The following CPEB1 variants were observed in gnomAD, a reference collection of about 807,000 sequenced individuals.
CPEB1 encodes cytoplasmic polyadenylation element-binding protein 1.
CPEB1 carries 7 observed loss-of-function variants against 65.8 expected under a neutral mutation model. The observed-to-expected ratio is 0.11, with a 90% CI of 0.06 to 0.20. The LOEUF is 0.20. CPEB1 is among the 10% of genes least tolerant of loss of function. The pLI, the probability that CPEB1 is intolerant of heterozygous loss-of-function variation, is 1.00. For missense variants in CPEB1, 551 were observed against 712.2 expected, an observed-to-expected ratio of 0.77 and a Z score of 2.58; for synonymous variants, 262 against 260.0, an observed-to-expected ratio of 1.01 and a Z score of -0.08.
intron 11 of CPEB1, 65 bp from the exon 12 acceptor site, chr15:82,546,586 A>C (rs1396290849): frequency 1.7e-6 from 2 of 1,185,898 alleles, no homozygotes; most frequent in Admixed American, 1.7e-5. Context: ...TAGGCGATAG[A>C]AGAAGGGCAC....
intron 3 of CPEB1, among the ~76,000 whole-genome samples, chr15:82,608,166 A>C (rs1471526498): frequency 6.6e-6 from 1 of 152,254 alleles, no homozygotes; most frequent in African/African-American, 2.4e-5. Context: ...ATAAAGCCTC[A>C]TATTTCATTC....
intron 3 of CPEB1, among the ~76,000 whole-genome samples, chr15:82,586,739 CACAT>C (rs375267411): frequency 7.5e-4 from 114 of 152,318 alleles, no homozygotes; most frequent in African/African-American, 2.7e-3. Context: ...TTTAGATTCA[CACAT>C]ACAGTGCACA....
chr15:82,564,288 T>C (rs898046084), intron 4 of CPEB1, among the ~76,000 whole-genome samples: 2 of 145,782 alleles, frequency 1.4e-5, no homozygotes, highest in East Asian at 2.2e-4. Flanking sequence ...TTTGTTTTTT[T>C]GTTTTGTTTT....
intron 3 of CPEB1, among the ~76,000 whole-genome samples, chr15:82,618,690 T>C (rs1441224845): frequency 1.3e-5 from 2 of 151,150 alleles, no homozygotes. Flanking sequence ...AAACAGAAAA[T>C]GGCACTAAAA....
chr15:82,601,900 C>T (rs557665275), intron 3 of CPEB1, among the ~76,000 whole-genome samples: 3 of 152,130 alleles, frequency 2.0e-5, no homozygotes, highest in East Asian at 1.9e-4. Context: ...ATTGAGATAA[C>T]GAAAGCTAGA....
intron 1 of CPEB1, chr15:82,629,973 T>C (rs2046102157): frequency 5.1e-6 from 5 of 985,344 alleles, no homozygotes; most frequent in Non-Finnish European, 6.0e-6. Flanking sequence ...AAGGTTGTTT[T>C]CCCAAGCTCT....
intron 3 of CPEB1, among the ~76,000 whole-genome samples, chr15:82,611,464 T>C (rs1479142571): frequency 2.6e-5 from 4 of 152,200 alleles, no homozygotes; most frequent in Admixed American, 2.6e-4. Flanking sequence ...ATTGTTAAGA[T>C]GGCAATAGTA....
intron 3 of CPEB1, among the ~76,000 whole-genome samples, chr15:82,590,415 C>T (rs1488618594): frequency 2.6e-5 from 4 of 152,076 alleles, no homozygotes; most frequent in Non-Finnish European, 5.9e-5. Flanking sequence ...ATTCCATCAT[C>T]CCCAAAAGAA....
chr15:82,626,853 TTAA>T (rs1020594476), intron 3 of CPEB1, among the ~76,000 whole-genome samples: 1 of 152,232 alleles, frequency 6.6e-6, no homozygotes, highest in Admixed American at 6.5e-5. Context: ...AAATAAAATA[TTAA>T]TTTCATCTGT....
At chr15:82,594,208 C>G (rs796079084) in intron 3 of CPEB1, among the ~76,000 whole-genome samples, 1 of 152,212 alleles carries the variant, frequency 6.6e-6, no homozygotes, top group Admixed American at 6.5e-5. Flanking sequence ...TTTTCATCTA[C>G]ATTGAGAATC....
intron 1 of CPEB1, chr15:82,629,523 C>T (rs2046064270): frequency 1.0e-6 from 1 of 985,366 alleles, no homozygotes; most frequent in African/African-American, 1.7e-5. Context: ...CGGTAAATAA[C>T]ACCACCATCC....
chr15:82,605,536 G>A (rs956518525), intron 3 of CPEB1, among the ~76,000 whole-genome samples: 2 of 152,084 alleles, frequency 1.3e-5, no homozygotes, highest in Non-Finnish European at 2.9e-5. Flanking sequence ...TGTACTTGCT[G>A]AGATTTTAGA....
chr15:82,610,332 G>A (rs758818543), intron 3 of CPEB1, among the ~76,000 whole-genome samples: 1 of 151,992 alleles, frequency 6.6e-6, no homozygotes, highest in Non-Finnish European at 1.5e-5. Context: ...AAAAGCAGAC[G>A]AGGAGGGAAC....
intron 3 of CPEB1, among the ~76,000 whole-genome samples, chr15:82,594,324 T>C (rs1446233530): frequency 6.6e-6 from 1 of 151,916 alleles, no homozygotes; most frequent in Non-Finnish European, 1.5e-5. Flanking sequence ...ACATTTATGT[T>C]ACGGAGACAG....
intron 1 of CPEB1, among the ~76,000 whole-genome samples, chr15:82,643,114 C>T (rs587734083): frequency 6.6e-6 from 1 of 152,306 alleles, no homozygotes; most frequent in Admixed American, 6.5e-5. Flanking sequence ...CCCCAGCACA[C>T]TCCACACCCC....
At chr15:82,645,227 A>C (rs1030937633) in intron 1 of CPEB1, among the ~76,000 whole-genome samples, 2 of 152,122 alleles carry the variant, frequency 1.3e-5, no homozygotes, top group East Asian at 3.9e-4. Context: ...ATCTCGGCTC[A>C]CTGCAACTTC....
At chr15:82,594,975 C>G (rs2042564287) in intron 3 of CPEB1, among the ~76,000 whole-genome samples, 1 of 152,094 alleles carries the variant, frequency 6.6e-6, no homozygotes, top group Non-Finnish European at 1.5e-5. Flanking sequence ...CATGCCAAAA[C>G]AATTACAATA....
At chr15:82,632,292 A>C (rs571057910) in intron 1 of CPEB1, among the ~76,000 whole-genome samples, 1 of 152,042 alleles carries the variant, frequency 6.6e-6, no homozygotes, top group South Asian at 2.1e-4. Flanking sequence ...AAATTCATTT[A>C]TTTTTTATAT....
At chr15:82,556,398 C>T in intron 5 of CPEB1, 1 of 316,286 alleles carries the variant, frequency 3.2e-6, no homozygotes, top group Non-Finnish European at 5.7e-6. Flanking sequence ...GTACATCTCA[C>T]TGACCCATAC....
Sources: gnomAD v4.1 joint callset for allele counts (sites outside exome capture counted in the v4.1 genomes callset) on GRCh38, gnomAD v4.1.1 for gene constraint, MANE v1.5 for transcripts, NCBI Gene and HGNC (gene_info 2026-07-23, HGNC 2026-07-21) for gene names.